Variants in RCC2 observed in about 807,000 individuals in gnomAD.
RCC2 encodes the protein regulator of chromosome condensation 2.
Under a neutral mutation model 64.1 loss-of-function variants are expected in RCC2, and 19 were observed. The observed-to-expected ratio is 0.30, with a 90% CI of 0.21 to 0.44. The LOEUF is 0.44. Among genes scored for constraint, RCC2 ranks in the 20% least tolerant of loss-of-function variants. The pLI, the probability that RCC2 is intolerant of heterozygous loss-of-function variation, is 1.00. For missense variants in RCC2, 508 were observed against 710.4 expected (o/e 0.72, Z 3.24); for synonymous variants, 325 against 279.6 (o/e 1.16, Z -1.62).
At chr1:17,419,290 T>G (rs1454874760) in intron 7 of RCC2, among the ~76,000 whole-genome samples, 2 of 151,474 alleles carry the variant, frequency 1.3e-5, no homozygotes, top group Non-Finnish European at 2.9e-5. Context: ...ACCAAGGAGG[T>G]GGAGGTTGCA....
At chr1:17,434,231 C>T (rs574669434) in intron 2 of RCC2, among the ~76,000 whole-genome samples, 2 of 152,368 alleles carry the variant, frequency 1.3e-5, no homozygotes, top group South Asian at 2.1e-4. Flanking sequence ...TGGCAGCCCC[C>T]AGGCAGCTTC....
intron 11 of RCC2, among the ~76,000 whole-genome samples, chr1:17,411,078 G>A (rs950126388): frequency 2.0e-5 from 3 of 152,102 alleles, no homozygotes; most frequent in Non-Finnish European, 4.4e-5. Context: ...ACCAAGGAAC[G>A]CCCTTCCTTC....
chr1:17,430,196 T>G (rs1271565990), intron 2 of RCC2, among the ~76,000 whole-genome samples: 1 of 152,216 alleles, frequency 6.6e-6, no homozygotes, highest in East Asian at 1.9e-4. Flanking sequence ...TTCCTTCAGT[T>G]TACAGAATTG....
intron 7 of RCC2, 96 bp downstream of exon 7, chr1:17,420,618 C>T: frequency 1.4e-6 from 1 of 695,796 alleles, no homozygotes. Flanking sequence ...GATCAATTAC[C>T]CACATTTCTA....
At position 17,438,490 on chromosome 1, in the gene RCC2, C is replaced by T. The variant is rs1402573251; in HGVS notation, c.25G>A (p.Ala9Thr). 16 of 1,343,168 alleles carry T rather than the reference C, an allele frequency of 1.2e-5. No homozygotes were observed. The highest frequency in any genetic ancestry group is 3.1e-5 in the Admixed American group (1 of 32,016). 83.2% of individuals were successfully genotyped at this position (1,343,168 alleles called of 1,614,324 possible). Residue 9 changes from alanine (A) to threonine (T), a missense_variant, in exon 2 of 13, where the codon GCG (alanine) becomes ACG (threonine). Coordinates refer to ENST00000375436, the MANE Select transcript of RCC2 (RefSeq NM_018715.4). MPRKKAAAAAWEEPSSGNG... is the reference protein window; with the variant it reads MPRKKAAATAWEEPSSGNG... ...CCCGAGCTCGGCTCCTCCCAGGCCG[C>T]CGCCGCCGCCTTCTTCCTGGGCATG...
chr1:17,421,008 A>C (rs987903695), intron 6 of RCC2, among the ~76,000 whole-genome samples, 180 bp from the exon 7 acceptor site: 2 of 152,156 alleles, frequency 1.3e-5, no homozygotes, highest in Non-Finnish European at 2.9e-5. Context: ...ATATGTAAAG[A>C]AGCACCCTCA....
chr1:17,422,629 C>G lies in RCC2; in HGVS notation c.655+76G>C, dbSNP rs1313954031. The stretch of plus-strand genomic sequence containing the variant: ...AGAGTCACAAGGGGAACTCCACCAC[C>G]CCACGCCCCATCCCCAAGGCAGACC... On this transcript the variant is annotated intron_variant, in intron 5 of 12. Coordinates refer to ENST00000375436, the MANE Select transcript of RCC2 (RefSeq NM_018715.4). 3.8e-6 allele frequency: 6 copies of G among 1,572,408 alleles called. No individual in the cohort carries two copies. In the East Asian group the frequency reaches 1.1e-4, roughly 30 times the overall value.
At chr1:17,431,962 T>C (rs970466768) in intron 2 of RCC2, among the ~76,000 whole-genome samples, 4 of 151,864 alleles carry the variant, frequency 2.6e-5, no homozygotes, top group Non-Finnish European at 5.9e-5. Context: ...TAGCCGGGTG[T>C]CTGTAATCCC....
intron 10 of RCC2, 29 bp downstream of exon 10, chr1:17,413,044 T>G (rs757301033): frequency 6.5e-7 from 1 of 1,530,578 alleles, no homozygotes; most frequent in Non-Finnish European, 9.0e-7. Flanking sequence ...GGAAGAGACC[T>G]CATACCCACA....
At chr1:17,413,455 G>A in intron 9 of RCC2, 82 bp downstream of exon 9, 1 of 1,360,872 alleles carries the variant, frequency 7.3e-7, no homozygotes, top group Non-Finnish European at 1.0e-6. Flanking sequence ...AAGAGAATTG[G>A]GGTTCGTGGT....
In RCC2 at chr1:17,425,399, T is replaced by C; in HGVS notation, c.523+142A>G. ...TGTAGACAAGAGACGAGCTGGGAAT[T>C]AGGAAAAAAGACATGGGCTGTGAAC... On this transcript the variant is annotated intron_variant, in intron 4 of 12. Transcript: ENST00000375436. The C allele has an allele frequency of 3.7e-6, 3 of 815,100 alleles. No homozygotes were observed. The South Asian group carries it at 7.8e-5, about 21-fold the overall frequency. The allele number at this position is 815,100 out of a possible 1,614,324, so 50.5% of individuals were successfully genotyped here.
At chr1:17,409,624 A>T in intron 12 of RCC2, among the ~76,000 whole-genome samples, 1 of 152,230 alleles carries the variant, frequency 6.6e-6, no homozygotes, top group East Asian at 1.9e-4. Flanking sequence ...GCAGCCACGC[A>T]GCCTCTACTC....
chr1:17,414,611 C>T lies in RCC2; in HGVS notation c.1027-894G>A, dbSNP rs141888595. ...CAATTGCAGAAAGAACAGAAAAGGC[C>T]TACCTGTTCCTGGATTTTTCGTTTC... is the stretch of plus-strand genomic sequence containing the variant. On this transcript the variant is annotated intron_variant, in intron 8 of 12. Coordinates refer to ENST00000375436, the MANE Select transcript of RCC2 (RefSeq NM_018715.4). Among the ~76,000 whole-genome samples, 263 of 151,926 alleles carry T rather than the reference C, an allele frequency of 1.7e-3. 5 individuals carry two copies. Among genetic ancestry groups the T allele is most frequent in the African/African-American group, 5.7e-3 (238 of 41,426 alleles).
chr1:17,437,855 C>A (rs2075755612), intron 2 of RCC2, among the ~76,000 whole-genome samples: 1 of 146,034 alleles, frequency 6.8e-6, no homozygotes, highest in African/African-American at 2.5e-5. Context: ...CTCTTCCAGG[C>A]CGGGCGAACT....
intron 11 of RCC2, among the ~76,000 whole-genome samples, chr1:17,410,401 A>C (rs2075411725): frequency 6.6e-6 from 1 of 152,224 alleles, no homozygotes; most frequent in Non-Finnish European, 1.5e-5. Context: ...GCCCTTCAGG[A>C]CCAAAGCGAC....
chr1:17,435,397 T>C (rs1315839501), intron 2 of RCC2, among the ~76,000 whole-genome samples: 2 of 152,344 alleles, frequency 1.3e-5, no homozygotes, highest in Middle Eastern at 3.4e-3. Flanking sequence ...CTAGCAACCC[T>C]GAGCGGGGCA....
At chr1:17,417,951 C>T (rs2075507146) in intron 7 of RCC2, among the ~76,000 whole-genome samples, 1 of 152,118 alleles carries the variant, frequency 6.6e-6, no homozygotes. Flanking sequence ...AGTAGAACTA[C>T]TTACATAACA....
chr1:17,412,551 AT>A (rs2075438631), intron 10 of RCC2, among the ~76,000 whole-genome samples: 1 of 152,184 alleles, frequency 6.6e-6, no homozygotes, highest in Non-Finnish European at 1.5e-5. Context: ...ATGCATAATG[AT>A]TTGGGCAGGG....
intron 2 of RCC2, among the ~76,000 whole-genome samples, chr1:17,437,157 G>A (rs1487981335): frequency 6.6e-6 from 1 of 152,196 alleles, no homozygotes; most frequent in African/African-American, 2.4e-5. Context: ...TCTATAAAAC[G>A]GACGTAGAAA....
Sources: gnomAD v4.1 joint callset for allele counts (sites outside exome capture counted in the v4.1 genomes callset) on GRCh38, gnomAD v4.1.1 for gene constraint, MANE v1.5 for transcripts, NCBI Gene and HGNC (gene_info 2026-07-23, HGNC 2026-07-21) for gene names.